The following SLC12A1 variants were observed in gnomAD, a reference collection of about 807,000 sequenced individuals.
The protein encoded by SLC12A1 is Na-K-2Cl cotransporter.
A neutral mutation model predicts 130.4 loss-of-function variants in SLC12A1; 89 were observed. The observed-to-expected ratio is 0.68, with a 90% CI of 0.58 to 0.81. The LOEUF is 0.81. Ranked by LOEUF, SLC12A1 falls within the 40% of genes least tolerant of loss-of-function variation. SLC12A1 has a pLI of 0.00. For synonymous variants in SLC12A1, 499 were observed against 460.0 expected (o/e 1.08, Z -1.09); for missense variants, 1,310 against 1,336.4 (o/e 0.98, Z 0.31).
At chr15:48,245,960 G>A (rs1001926071) in intron 11 of SLC12A1, among the ~76,000 whole-genome samples, 9 of 152,038 alleles carry the variant, frequency 5.9e-5, no homozygotes, top group Admixed American at 5.2e-4. Context: ...AAATAAGGGG[G>A]AAGGAAAAAT....
At chr15:48,299,321 G>C in intron 25 of SLC12A1, 46 bp downstream of exon 25, 1 of 1,478,394 alleles carries the variant, frequency 6.8e-7, no homozygotes, top group Non-Finnish European at 9.0e-7. Context: ...AACTAGCTGA[G>C]AAAGGAAACA....
chr15:48,220,048 G>A (rs997999989), intron 2 of SLC12A1, among the ~76,000 whole-genome samples: 1 of 150,554 alleles, frequency 6.6e-6, no homozygotes, highest in Non-Finnish European at 1.5e-5. Context: ...GGCACAGGTT[G>A]CAGTGAGCCA....
At chr15:48,229,399 AG>A in intron 6 of SLC12A1, 71 bp downstream of exon 6, 2 of 1,439,928 alleles carry the variant, frequency 1.4e-6, no homozygotes, top group South Asian at 2.5e-5. Context: ...CAGGGCACTA[AG>A]GGATATCATT....
At chr15:48,219,086 G>C (rs2041165079) in intron 2 of SLC12A1, among the ~76,000 whole-genome samples, 1 of 152,126 alleles carries the variant, frequency 6.6e-6, no homozygotes, top group African/African-American at 2.4e-5. Context: ...CTAGTAATCA[G>C]TTATGAAACT....
chr15:48,228,965 G>T, intron 5 of SLC12A1: 1 of 398,904 alleles, frequency 2.5e-6, no homozygotes. Flanking sequence ...TGTTTTAATA[G>T]AGTGGGCTTT....
chr15:48,244,984 G>A, intron 11 of SLC12A1, 80 bp downstream of exon 11: 2 of 1,276,330 alleles, frequency 1.6e-6, no homozygotes, highest in Non-Finnish European at 2.2e-6. Context: ...TTCTGAATCT[G>A]CAACTGATTG....
At chr15:48,220,432 C>G (rs1331720890) in intron 2 of SLC12A1, among the ~76,000 whole-genome samples, 1 of 152,122 alleles carries the variant, frequency 6.6e-6, no homozygotes, top group Non-Finnish European at 1.5e-5. Flanking sequence ...CTAAAAAACA[C>G]TTTAAAATGA....
chr15:48,302,686 T>C (rs1199953583), intron 26 of SLC12A1, 64 bp from the exon 27 acceptor site: 13 of 930,236 alleles, frequency 1.4e-5, no homozygotes, highest in Non-Finnish European at 2.1e-5. Context: ...TCAGAAATAC[T>C]AGTGCCGTTA....
chr15:48,234,816 CTT>C, intron 8 of SLC12A1, 59 bp from the exon 9 acceptor site: 1 of 1,540,756 alleles, frequency 6.5e-7, no homozygotes, highest in South Asian at 1.1e-5. Context: ...CCAATGGTAA[CTT>C]AATCTCCTGT....
intron 19 of SLC12A1, 141 bp from the exon 20 acceptor site, chr15:48,274,430 G>A: frequency 1.6e-6 from 1 of 640,238 alleles, no homozygotes; most frequent in Non-Finnish European, 2.8e-6. Context: ...ACAAACAAAT[G>A]CATCAGCTCT....
intron 19 of SLC12A1, among the ~76,000 whole-genome samples, chr15:48,273,797 C>T (rs2041922454): frequency 6.6e-6 from 1 of 152,014 alleles, no homozygotes; most frequent in African/African-American, 2.4e-5. Flanking sequence ...GGTAGGATGA[C>T]CTAATGGCAA....
At chr15:48,215,556 T>A (rs1237926936) in intron 2 of SLC12A1, among the ~76,000 whole-genome samples, 1 of 152,198 alleles carries the variant, frequency 6.6e-6, no homozygotes, top group Non-Finnish European at 1.5e-5. Flanking sequence ...AAACTTTTAG[T>A]CTTTGAGACT....
chr15:48,237,420 G>A lies in SLC12A1; in HGVS notation c.1215+2416G>A, dbSNP rs79480155. On this transcript the variant is annotated intron_variant, in intron 9 of 26. Coordinates refer to ENST00000380993, the MANE Select transcript of SLC12A1 (RefSeq NM_000338.3). ...ATATATTATTTCTGTCTGAAAAGAC[G>A]AGACTTAAAATTCCTCCCCCTTCAA... 1,498 of 152,954 alleles carry A rather than the reference G, an allele frequency of 9.8e-3. 23 individuals are homozygous for A. The highest frequency in any genetic ancestry group is 0.093 in the East Asian group (482 of 5,204). The allele number at this position is 152,954 out of a possible 1,614,324, so 9.5% of individuals were successfully genotyped here.
At chr15:48,266,606 G>C (rs964220572) in intron 17 of SLC12A1, among the ~76,000 whole-genome samples, 1 of 151,998 alleles carries the variant, frequency 6.6e-6, no homozygotes, top group East Asian at 1.9e-4. Context: ...ATACCCACAA[G>C]GCTGCATTTT....
In SLC12A1 at chr15:48,207,692, T is replaced by A. The variant is rs771060009; in HGVS notation, c.-28T>A. The A allele has an allele frequency of 4.2e-5, 63 of 1,516,520 alleles. No individual in the cohort carries two copies. The highest frequency in any genetic ancestry group is 5.3e-5 in the Non-Finnish European group (60 of 1,134,038). 93.9% of individuals were successfully genotyped at this position (1,516,520 alleles called of 1,614,324 possible). On this transcript the variant is annotated 5_prime_UTR_variant, in exon 2 of 27. It removes the in-frame stop codon of an upstream open reading frame in the 5' UTR. Transcript: ENST00000380993. ...TTTTTTAAAACAACCACAAAGTAGATAGCTCAGTAAAAAATCAATTTTGGA... is the reference window on the plus strand; with the variant it reads ...TTTTTTAAAACAACCACAAAGTAGAAAGCTCAGTAAAAAATCAATTTTGGA...
chr15:48,218,696 T>C (rs1489620619), intron 2 of SLC12A1, among the ~76,000 whole-genome samples: 1 of 152,202 alleles, frequency 6.6e-6, no homozygotes, highest in Non-Finnish European at 1.5e-5. Context: ...TTAGACCACT[T>C]AAATAAGATA....
At chr15:48,274,741 ATAGACAAAACTCCTTG>A in intron 20 of SLC12A1, 88 bp downstream of exon 20, 1 of 828,796 alleles carries the variant, frequency 1.2e-6, no homozygotes, top group Non-Finnish European at 2.0e-6. Flanking sequence ...AGGGCACAAT[ATAGACAAAACTCCTTG>A]ACAGTGGAGC....
chr15:48,207,800 T>C lies in SLC12A1; in HGVS notation c.81T>C (p.Asn27=), dbSNP rs746746098. The C allele has an allele frequency of 1.2e-6, 2 of 1,613,834 alleles. No homozygotes were observed. Among genetic ancestry groups the C allele is most frequent in the Admixed American group, 1.7e-5 (1 of 59,988 alleles). Residue 27 remains asparagine, a synonymous_variant, in exon 2 of 27, where the codon AAT becomes AAC. Coordinates refer to ENST00000380993, the MANE Select transcript of SLC12A1 (RefSeq NM_000338.3). ...ATCGCTTTCAAGTTAGTGTCATAAA[T>C]GAGAACCATGAGAGCAGTGCAGCTG... The part of the protein sequence containing the change: ...NTNRFQVSVI[N]ENHESSAAAD...
In SLC12A1 at chr15:48,207,939, C is replaced by T. The variant is rs1422768026; in HGVS notation, c.220C>T (p.Leu74Phe). 6.2e-7 allele frequency: 1 copy of T among 1,614,008 alleles called. No individual in the cohort carries two copies. ...GAATCAGGAGTGCTATGACAATTTC[C>T]TCCAAAGTGGAGAAACTGCTAAAAC... ...PGNQECYDNF[L>F]QSGETAKTDA... The change falls in exon 2 of 27, where the codon CTC becomes TTC. Residue 74 changes from leucine (L) to phenylalanine (F), a missense_variant. Transcript: ENST00000380993.
Sources: allele counts gnomAD v4.1 joint callset (sites outside exome capture counted in the v4.1 genomes callset), GRCh38; gene constraint gnomAD v4.1.1; transcripts MANE v1.5; gene names NCBI Gene and HGNC (gene_info 2026-07-23, HGNC 2026-07-21).